The following PACRGL variants were observed in gnomAD, a reference collection of about 807,000 sequenced individuals.
The protein encoded by PACRGL is PACRG-like protein.
A neutral mutation model predicts 34.5 loss-of-function variants in PACRGL; 38 were observed. That is an observed-to-expected ratio of 1.10 (90% CI 0.85 to 1.44). The LOEUF is 1.44. Among genes scored for constraint, PACRGL ranks in the 40% most tolerant of loss-of-function variants. The pLI, the probability that PACRGL is intolerant of heterozygous loss-of-function variation, is 0.00. For missense variants in PACRGL, 305 were observed against 281.4 expected, an observed-to-expected ratio of 1.08 and a Z score of -0.60; for synonymous variants, 128 against 100.1, an observed-to-expected ratio of 1.28 and a Z score of -1.66.
At chr4:20,745,357 G>A (rs942699040) in intron 8 of PACRGL, among the ~76,000 whole-genome samples, 44 of 152,124 alleles carry the variant, frequency 2.9e-4, no homozygotes, top group African/African-American at 1.0e-3. Context: ...TGGTCTTAGA[G>A]CACCTCTCTC....
rs774860270 is a variant in PACRGL, at chr4:20,709,666, T to A, written c.276-17T>A. On this transcript the variant is annotated splice_polypyrimidine_tract_variant and intron_variant, in intron 4 of 8. Transcript: ENST00000503585. ...ATTATATTTTTCTTGTTGCATTCAC[T>A]AACTTTTATATTTTAGATTGGTACA... is the stretch of plus-strand genomic sequence containing the variant. 7 of 1,511,624 alleles carry A rather than the reference T, an allele frequency of 4.6e-6. No individual in the cohort carries two copies. Among genetic ancestry groups the A allele is most frequent in the Non-Finnish European group, 6.4e-6 (7 of 1,100,250 alleles). 93.6% of individuals were successfully genotyped at this position (1,511,624 alleles called of 1,614,324 possible).
At chr4:20,712,447 T>C (rs1737740499) in intron 5 of PACRGL, among the ~76,000 whole-genome samples, 1 of 152,034 alleles carries the variant, frequency 6.6e-6, no homozygotes, top group Non-Finnish European at 1.5e-5. Context: ...TGATGAAGCA[T>C]TTCCATTGTA....
At chr4:20,752,841 G>A (rs1753885747) in exon 9 of PACRGL, 1 of 152,118 alleles carries the variant, frequency 6.6e-6, no homozygotes, top group Non-Finnish European at 1.5e-5. Context: ...AAGCATCTAT[G>A]GTTCTGGTTT....
chr4:20,709,777 A>G lies in PACRGL; in HGVS notation c.366+4A>G, dbSNP rs1487999934. The G allele has an allele frequency of 6.4e-7, 1 of 1,572,206 alleles. No individual in the cohort carries two copies. The highest frequency in any genetic ancestry group is 1.4e-5 in the African/African-American group (1 of 73,942). On this transcript the variant is annotated splice_donor_region_variant and intron_variant, in intron 5 of 8. Transcript: ENST00000503585. ...ACTTCTTATTACTTTAGCTGAGGTAAATATGCCATCTCTTGAATATTTATC... is the reference window on the plus strand; with the variant it reads ...ACTTCTTATTACTTTAGCTGAGGTAGATATGCCATCTCTTGAATATTTATC...
chr4:20,712,294 G>C lies in PACRGL; in HGVS notation c.367-494G>C, dbSNP rs544640462. Reference sequence around the variant, plus strand: ...CTCCCTTCCTTCCCTTCTGTGAGTAGAGATTACTCCTGTCTCATGTACAGT... The same window carrying C: ...CTCCCTTCCTTCCCTTCTGTGAGTACAGATTACTCCTGTCTCATGTACAGT... On this transcript the variant is annotated intron_variant, in intron 5 of 8. Transcript: ENST00000503585. 3.5e-5 allele frequency among the ~76,000 whole-genome samples: 5 copies of C among 143,676 alleles called. No homozygotes were observed. The South Asian group carries it at 8.7e-4, about 25-fold the overall frequency. 94.3% of individuals were successfully genotyped at this position (143,676 alleles called of 152,430 possible). A position where few individuals can be genotyped will look rare whatever the true frequency, so the allele number is the denominator to read the frequency against.
At chr4:20,706,661 C>T (rs896256083) in intron 3 of PACRGL, among the ~76,000 whole-genome samples, 7 of 152,046 alleles carry the variant, frequency 4.6e-5, no homozygotes, top group African/African-American at 1.7e-4. Flanking sequence ...CTGCAAACTC[C>T]GCCTCCTGCA....
At chr4:20,718,850 T>A (rs1387980035) in intron 7 of PACRGL, 1 of 152,274 alleles carries the variant, frequency 6.6e-6, no homozygotes, top group Non-Finnish European at 1.5e-5. Flanking sequence ...CCTCATAAAA[T>A]GAGTTAGGGA....
chr4:20,726,047 C>T (rs1745481799), intron 8 of PACRGL, among the ~76,000 whole-genome samples: 2 of 151,956 alleles, frequency 1.3e-5, no homozygotes, highest in Admixed American at 1.3e-4. Flanking sequence ...ATAATGATGC[C>T]ACAGCTTTTC....
rs574754678 is a variant in PACRGL, at chr4:20,742,835, T to C, written c.*57-9730T>C. 3.9e-5 allele frequency among the ~76,000 whole-genome samples: 6 copies of C among 152,212 alleles called. No homozygotes were observed. In the South Asian group the frequency reaches 1.0e-3, roughly 26 times the overall value. On this transcript the variant is annotated intron_variant, in intron 8 of 8. Transcript: ENST00000507634. ...AAAACCCTGTCGTCTCAGCCCAAAA[T>C]CTCCTTAAACTGATAAGCAACTTAA...
chr4:20,717,338 T>C (rs1740610276), intron 7 of PACRGL, among the ~76,000 whole-genome samples: 1 of 152,246 alleles, frequency 6.6e-6, no homozygotes, highest in Non-Finnish European at 1.5e-5. Flanking sequence ...TTTAGTTTAA[T>C]TAGACACCAG....
rs568748409 is a variant in PACRGL, at chr4:20,744,757, TAAA to T, written c.*57-7807_*57-7805del. Among the ~76,000 whole-genome samples the T allele has an allele frequency of 6.2e-3, 950 of 152,082 alleles. 4 individuals carry two copies. The highest frequency in any genetic ancestry group is 0.01 in the Admixed American group (153 of 15,260). On this transcript the variant is annotated intron_variant, in intron 8 of 8. Coordinates refer to the PACRGL transcript ENST00000507634. ...CATTTTGCACATGTACCCTAGAACT[TAAA>T]GAATAATAATAATAAAAATATAAAA...
At chr4:20,716,266 C>A in intron 7 of PACRGL, 1 of 704,556 alleles carries the variant, frequency 1.4e-6, no homozygotes, top group Non-Finnish European at 2.5e-6. Flanking sequence ...GCACATAGGG[C>A]AGGGTCCATG....
At chr4:20,715,625 T>C (rs1236854108) in intron 7 of PACRGL, among the ~76,000 whole-genome samples, 1 of 152,032 alleles carries the variant, frequency 6.6e-6, no homozygotes, top group Non-Finnish European at 1.5e-5. Context: ...CCTAACACTT[T>C]GGAGGCTGAG....
chr4:20,751,037 C>G lies in PACRGL; in HGVS notation c.*57-1528C>G, dbSNP rs572094952. On this transcript the variant is annotated intron_variant, in intron 8 of 8. Coordinates refer to the PACRGL transcript ENST00000507634. ...TCCTGGCTCTCAGGGCTCACGGCCT[C>G]CTTACAGGTTGTTTTTCCCGAATGC... Among the ~76,000 whole-genome samples the G allele has an allele frequency of 6.2e-4, 95 of 152,234 alleles. 2 individuals carry two copies. Among genetic ancestry groups the G allele is most frequent in the Middle Eastern group, 6.8e-3 (2 of 294 alleles).
At chr4:20,697,335 T>TA, upstream of PACRGL, among the ~76,000 whole-genome samples, 1 of 152,296 alleles carries the variant, frequency 6.6e-6, no homozygotes, top group Admixed American at 6.5e-5. Flanking sequence ...ATTAAGACAA[T>TA]ATTTTCTTAA....
rs145900955 is a variant in PACRGL, at chr4:20,724,856, G to A, written c.658G>A (p.Ala220Thr). ...DKKFKEPITS[A>T]LQKLEQHGGS... ...GAAATTCAAAGAGCCAATCACCAGC[G>A]CATTACAAAAGCTAGAGCAACATGG... The change falls in exon 8 of 9, where the codon GCA (alanine) becomes ACA (threonine). Residue 220 changes from alanine (A) to threonine (T), a missense_variant. Transcript: ENST00000503585. 1.7e-4 allele frequency: 247 copies of A among 1,496,064 alleles called. 1 individual carries two copies. In the East Asian group the frequency reaches 4.5e-3, roughly 27 times the overall value. The allele number at this position is 1,496,064 out of a possible 1,614,324, so 92.7% of individuals were successfully genotyped here. A position where few individuals can be genotyped will look rare whatever the true frequency, so the allele number is the denominator to read the frequency against.
At chr4:20,732,584 T>C (rs1748587912), downstream of PACRGL, 1 of 763,942 alleles carries the variant, frequency 1.3e-6, no homozygotes, top group Admixed American at 2.3e-5. Context: ...TAAAAATTAT[T>C]TTCCTTTGCT....
At chr4:20,764,355 TG>T in the PACRGL span, among the ~76,000 whole-genome samples, 2 of 152,118 alleles carry the variant, frequency 1.3e-5, no homozygotes, top group African/African-American at 4.8e-5. Flanking sequence ...TTTTACATCA[TG>T]ATTTTTAGTG....
chr4:20,713,071 G>T, intron 6 of PACRGL, 149 bp downstream of exon 6: 1 of 835,374 alleles, frequency 1.2e-6, no homozygotes, highest in South Asian at 2.9e-5. Flanking sequence ...ACAGAATTAG[G>T]CAACTGTTAC....
Sources: allele counts gnomAD v4.1 joint callset (sites outside exome capture counted in the v4.1 genomes callset), GRCh38; gene constraint gnomAD v4.1.1; transcripts MANE v1.5; gene names NCBI Gene and HGNC (gene_info 2026-07-23, HGNC 2026-07-21).